N4BP2L2: variants seen among roughly 807,000 people sequenced by gnomAD.
N4BP2L2 encodes the protein NEDD4-binding protein 2-like 2.
N4BP2L2 carries 50 observed loss-of-function variants against 56.2 expected under a neutral mutation model. The ratio of observed to expected loss-of-function variants is 0.89; its 90% CI spans 0.71 to 1.13. The LOEUF is 1.13. Among genes scored for constraint, N4BP2L2 ranks in the 50% most tolerant of loss-of-function variants. N4BP2L2 has a pLI of 0.00. For synonymous variants in N4BP2L2, 203 were observed against 223.6 expected, an observed-to-expected ratio of 0.91 and a Z score of 0.82; for missense variants, 689 against 693.8, an observed-to-expected ratio of 0.99 and a Z score of 0.08.
intron 5 of N4BP2L2, among the ~76,000 whole-genome samples, chr13:32,520,402 C>T (rs1252228285): frequency 6.7e-6 from 1 of 149,978 alleles, no homozygotes; most frequent in African/African-American, 2.4e-5. Flanking sequence ...TGCCTTTAAT[C>T]CCAGCACTCT....
exon 7 of N4BP2L2, chr13:32,442,771 G>A (rs778013165): frequency 6.2e-6 from 10 of 1,613,306 alleles, no homozygotes; most frequent in Non-Finnish European, 7.6e-6. Context: ...TTTGTATAAA[G>A]ATGCAGAGCA....
chr13:32,470,145 G>A (rs779966195), intron 6 of N4BP2L2, among the ~76,000 whole-genome samples: 3 of 152,156 alleles, frequency 2.0e-5, no homozygotes, highest in Non-Finnish European at 2.9e-5. Context: ...CATTCTGGGG[G>A]TGGATGTTTT....
At chr13:32,500,278 A>G (rs970052344) in intron 6 of N4BP2L2, among the ~76,000 whole-genome samples, 3 of 152,158 alleles carry the variant, frequency 2.0e-5, no homozygotes, top group East Asian at 1.9e-4. Flanking sequence ...TTATTTAACT[A>G]TTGATGAGCT....
intron 6 of N4BP2L2, among the ~76,000 whole-genome samples, chr13:32,498,987 T>TA (rs34972549): frequency 0.01 from 895 of 86,920 alleles, 8 homozygotes; most frequent in African/African-American, 0.022. Context: ...AGACTCTGTC[T>TA]AAAAAAAAAA....
At chr13:32,442,906 T>A in exon 7 of N4BP2L2, 1 of 1,611,632 alleles carries the variant, frequency 6.2e-7, no homozygotes. Context: ...TTTTTGTTTA[T>A]TCTCCTCTTC....
At chr13:32,503,796 A>C (rs1275134397) in intron 6 of N4BP2L2, among the ~76,000 whole-genome samples, 3 of 152,230 alleles carry the variant, frequency 2.0e-5, no homozygotes, top group Non-Finnish European at 4.4e-5. Flanking sequence ...CTGTAATTCC[A>C]GCACTTCGGG....
At chr13:32,527,817 G>A (rs981549615) in intron 2 of N4BP2L2, among the ~76,000 whole-genome samples, 2 of 150,936 alleles carry the variant, frequency 1.3e-5, no homozygotes, top group Non-Finnish European at 2.9e-5. Flanking sequence ...TGTCGCCCAG[G>A]CTGGAGTGCA....
exon 7 of N4BP2L2, chr13:32,444,075 C>A (rs765318838): frequency 9.5e-6 from 15 of 1,579,710 alleles, no homozygotes; most frequent in African/African-American, 1.4e-5. Context: ...TTCTGTTCCT[C>A]TTCTGTTTGG....
chr13:32,470,794 C>T (rs768539282), intron 6 of N4BP2L2, among the ~76,000 whole-genome samples: 1 of 152,182 alleles, frequency 6.6e-6, no homozygotes, highest in South Asian at 2.1e-4. Flanking sequence ...ACCTTAGCTG[C>T]AGTGTTACAA....
intron 7 of N4BP2L2, chr13:32,442,317 A>C: frequency 7.7e-7 from 1 of 1,302,772 alleles, no homozygotes; most frequent in Non-Finnish European, 1.0e-6. Flanking sequence ...ACCACCAGGT[A>C]GAAACACCTC....
chr13:32,451,021 T>A (rs7321117), intron 6 of N4BP2L2, among the ~76,000 whole-genome samples: 50,170 of 151,732 alleles, frequency 0.33, 10,414 homozygotes, highest in African/African-American at 0.58. Flanking sequence ...TGGCCTAAAA[T>A]GTGATACTTA....
At chr13:32,487,750 G>C (rs1593799226) in intron 6 of N4BP2L2, among the ~76,000 whole-genome samples, 1 of 152,160 alleles carries the variant, frequency 6.6e-6, no homozygotes, top group Middle Eastern at 3.4e-3. Context: ...CCCATAGCAG[G>C]CATATAGGAA....
Position 32,529,596 on chromosome 13 carries a change from T to C in N4BP2L2, c.1260-2064A>G, listed in dbSNP as rs559414647. Reference sequence around the variant, plus strand: ...TAACTGATCATGTGACATCTAATTATGTTCAACAGTACCAGAAATCCAGAT... The same window carrying C: ...TAACTGATCATGTGACATCTAATTACGTTCAACAGTACCAGAAATCCAGAT... On this transcript the variant is annotated intron_variant, in intron 2 of 5. Transcript: ENST00000267068. 1.1e-4 allele frequency among the ~76,000 whole-genome samples: 17 copies of C among 152,322 alleles called. No individual in the cohort carries two copies. In the South Asian group the frequency reaches 3.1e-3, roughly 28 times the overall value.
intron 7 of N4BP2L2, among the ~76,000 whole-genome samples, chr13:32,440,518 G>A (rs1038930601): frequency 6.6e-6 from 1 of 152,096 alleles, no homozygotes; most frequent in Non-Finnish European, 1.5e-5. Flanking sequence ...CCAGGCTGGA[G>A]TGCAGTGGCG....
intron 6 of N4BP2L2, among the ~76,000 whole-genome samples, chr13:32,483,410 A>G (rs2085185835): frequency 6.6e-6 from 1 of 152,224 alleles, no homozygotes; most frequent in Admixed American, 6.5e-5. Flanking sequence ...ATTCTTATCT[A>G]AAATTTCCTC....
intron 2 of N4BP2L2, among the ~76,000 whole-genome samples, chr13:32,535,134 C>CA (rs1448087246): frequency 6.6e-6 from 1 of 152,136 alleles, no homozygotes; most frequent in African/African-American, 2.4e-5. Context: ...ATTTGATTCC[C>CA]AATTCCAGAA....
intron 9 of N4BP2L2, among the ~76,000 whole-genome samples, chr13:32,435,885 A>T (rs1185798137): frequency 6.6e-6 from 1 of 152,228 alleles, no homozygotes; most frequent in African/African-American, 2.4e-5. Context: ...TGTTTATTTC[A>T]TAATTTAGGC....
In N4BP2L2 at chr13:32,536,325, A is replaced by C. The variant is rs757518295; in HGVS notation, c.703T>G (p.Tyr235Asp). 6 of 1,613,978 alleles carry C rather than the reference A, an allele frequency of 3.7e-6. No individual in the cohort carries two copies. In the Admixed American group the frequency reaches 1.0e-4, roughly 27 times the overall value. ...GGCTCATTCCCCAAGTTCTGCTGAT[A>C]ATCACAATGTGATGGCATAGCTTTA... The change falls in exon 2 of 6, where the codon TAT (tyrosine) becomes GAT (aspartate). Residue 235 changes from tyrosine (Y) to aspartate (D), a missense_variant. Physicochemically the swap from Tyr to Asp is radical, Grantham distance 160. Transcript: ENST00000267068.
rs1441339252 is a variant in N4BP2L2 at position 32,517,820 on chromosome 13, A to T, written c.1734T>A (p.Cys578Ter). 6.2e-7 allele frequency: 1 copy of T among 1,613,390 alleles called. No individual in the cohort carries two copies. Among genetic ancestry groups the T allele is most frequent in the Admixed American group, 1.7e-5 (1 of 60,000 alleles). ...AGCTAATTTAATGATTATTTGTGAC[A>T]CAGACACGATTATGTGAGCCAAGAG... The change falls in exon 6 of 6, where the codon TGT (cysteine) becomes TGA (stop). Residue 578 changes from cysteine (C) to a stop codon, truncating the protein, a stop_gained. Coordinates refer to ENST00000267068, the Ensembl canonical transcript of N4BP2L2. LOFTEE classifies it high-confidence loss of function.
Sources: gnomAD v4.1 joint callset for allele counts (sites outside exome capture counted in the v4.1 genomes callset) on GRCh38, gnomAD v4.1.1 for gene constraint, MANE v1.5 for transcripts, NCBI Gene and HGNC (gene_info 2026-07-23, HGNC 2026-07-21) for gene names.